ZNF133: variants seen among roughly 807,000 people sequenced by gnomAD.
ZNF133 encodes the protein zinc finger protein 133 (clone pHZ-13).
In ZNF133, 26 loss-of-function variants were observed where a neutral mutation model predicts 54.9. The ratio of observed to expected loss-of-function variants is 0.47; its 90% CI spans 0.35 to 0.66. ZNF133 has a LOEUF of 0.66. ZNF133 is among the 30% of genes least tolerant of loss of function. ZNF133 has a pLI of 0.01. For synonymous variants in ZNF133, 298 were observed against 320.3 expected, an observed-to-expected ratio of 0.93 and a Z score of 0.74; for missense variants, 653 against 820.8, an observed-to-expected ratio of 0.80 and a Z score of 2.50.
At chr20:18,300,708 G>A (rs1004394733) in intron 3 of ZNF133, among the ~76,000 whole-genome samples, 1 of 151,976 alleles carries the variant, frequency 6.6e-6, no homozygotes, top group Non-Finnish European at 1.5e-5. Context: ...AATTGAAAAA[G>A]GTTACAAGAG....
rs116052575 is a variant in ZNF133, at chr20:18,292,857, C to G, written c.-432+4253C>G. 6.4e-3 allele frequency among the ~76,000 whole-genome samples: 970 copies of G among 152,242 alleles called. 17 individuals are homozygous for G. Among genetic ancestry groups the G allele is most frequent in the African/African-American group, 0.022 (934 of 41,538 alleles). ...CCATAGGAGTAATGGATGAGGCAGA[C>G]TAGGATGTTGGGAAATGGTCTACAG... On this transcript the variant is annotated intron_variant, in intron 1 of 6. Coordinates refer to ENST00000425686, the MANE Select transcript of ZNF133 (RefSeq NM_001352452.2).
At chr20:18,304,900 C>G (rs1009815009) in intron 3 of ZNF133, 108 bp from the exon 4 acceptor site, 6 of 703,906 alleles carry the variant, frequency 8.5e-6, no homozygotes, top group Non-Finnish European at 8.7e-6. Context: ...TCCCCACATG[C>G]CTCATCTGTA....
At position 18,315,255 on chromosome 20, in the gene ZNF133, A is replaced by G; in HGVS notation, c.404A>G (p.Glu135Gly). ...CAGGAGAAGCAGCAACAAGCCTCTG[A>G]GGGGAGACCCTGGAGTGATCAAGCA... ...GDQEKQQQASEGRPWSDQAEG... is the reference protein window; with the variant it reads ...GDQEKQQQASGGRPWSDQAEG... The change falls in exon 7 of 7, where the codon GAG becomes GGG. Residue 135 changes from glutamate (E) to glycine (G), a missense_variant. Coordinates refer to ENST00000425686, the MANE Select transcript of ZNF133 (RefSeq NM_001352452.2). 2 of 1,614,000 alleles carry G rather than the reference A, an allele frequency of 1.2e-6. No individual in the cohort carries two copies. The highest frequency in any genetic ancestry group is 8.5e-7 in the Non-Finnish European group (1 of 1,179,982).
At chr20:18,304,014 A>C (rs1476450197) in intron 3 of ZNF133, among the ~76,000 whole-genome samples, 1 of 152,214 alleles carries the variant, frequency 6.6e-6, no homozygotes, top group African/African-American at 2.4e-5. Context: ...ATATCTGATA[A>C]GGGATTAATA....
chr20:18,306,833 T>C, intron 6 of ZNF133: 1 of 1,121,944 alleles, frequency 8.9e-7, no homozygotes, highest in South Asian at 1.8e-5. Context: ...TATTCAAGAA[T>C]GGCTTTTACA....
rs538616183 is a variant in ZNF133 at position 18,288,552 on chromosome 20, G to A, written c.-484G>A. The A allele has an allele frequency of 1.1e-4, 43 of 398,680 alleles. No individual in the cohort carries two copies. The highest frequency in any genetic ancestry group is 8.4e-4 in the African/African-American group (41 of 48,758). The allele number at this position is 398,680 out of a possible 1,614,324, so 24.7% of individuals were successfully genotyped here. On this transcript the variant is annotated 5_prime_UTR_variant, in exon 1 of 7. Coordinates refer to ENST00000425686, the MANE Select transcript of ZNF133 (RefSeq NM_001352452.2). ...GTAGTGTAGTCCTGGCGCCCCGCTG[G>A]AGGAGCTCCCCAGCTGGTGGCTGGA...
intron 3 of ZNF133, among the ~76,000 whole-genome samples, chr20:18,303,612 CAGAAT>C (rs2043907867): frequency 6.6e-6 from 1 of 152,066 alleles, no homozygotes; most frequent in Non-Finnish European, 1.5e-5. Context: ...ACTAATAGAA[CAGAAT>C]AGAGATCCCA....
At position 18,316,610 on chromosome 20, in the gene ZNF133, T is replaced by A; in HGVS notation, c.1759T>A (p.Phe587Ile). The A allele has an allele frequency of 6.2e-7, 1 of 1,614,054 alleles. No individual in the cohort carries two copies. The highest frequency in any genetic ancestry group is 8.5e-7 in the Non-Finnish European group (1 of 1,180,044). ...PCVCRECGQG[F>I]LQKSHLTLHQ... ...TGTGTGCAGAGAGTGTGGCCAAGGCTTTCTCCAAAAGTCACACCTCACCTT... is the reference window on the plus strand; with the variant it reads ...TGTGTGCAGAGAGTGTGGCCAAGGCATTCTCCAAAAGTCACACCTCACCTT... The change falls in exon 7 of 7, where the codon TTT becomes ATT. Residue 587 changes from phenylalanine to isoleucine, a missense_variant. By Grantham distance (21) the Phe-to-Ile change is conservative. Coordinates refer to ENST00000425686, the MANE Select transcript of ZNF133 (RefSeq NM_001352452.2).
At chr20:18,297,096 A>G (rs1031717051) in intron 1 of ZNF133, among the ~76,000 whole-genome samples, 7 of 152,160 alleles carry the variant, frequency 4.6e-5, no homozygotes, top group Non-Finnish European at 8.8e-5. Flanking sequence ...ATGTTTTCTT[A>G]CATTATACTT....
rs79500232 is a variant in ZNF133 at position 18,297,323 on chromosome 20, A to G, written c.-431-662A>G. 5.1e-4 allele frequency among the ~76,000 whole-genome samples: 77 copies of G among 151,726 alleles called. 1 individual carries two copies. The highest frequency in any genetic ancestry group is 1.8e-3 in the African/African-American group (74 of 41,330). On this transcript the variant is annotated intron_variant, in intron 1 of 6. Coordinates refer to ENST00000425686, the MANE Select transcript of ZNF133 (RefSeq NM_001352452.2). Reference sequence around the variant, plus strand: ...AGTTTGTCTTCATTTATCATATAATATTGTCTTTTTCTTTGATTTCTTTCA... The same window carrying G: ...AGTTTGTCTTCATTTATCATATAATGTTGTCTTTTTCTTTGATTTCTTTCA...
intron 6 of ZNF133, chr20:18,314,248 C>G (rs991546162): frequency 6.6e-6 from 1 of 152,176 alleles, no homozygotes; most frequent in Non-Finnish European, 1.5e-5. Context: ...CTCATATTGC[C>G]TGGTCATTGA....
In ZNF133 at chr20:18,315,752, A is replaced by G. The variant is rs1428408319; in HGVS notation, c.901A>G (p.Ser301Gly). Residue 301 changes from serine to glycine, a missense_variant, in exon 7 of 7, where the codon AGT becomes GGT. By Grantham distance (56) the Ser-to-Gly change is moderately conservative. Around this residue, in one of 4 missense-constraint regions of ZNF133, gnomAD observed 292 missense variants for 431.6 expected, o/e 0.68. Transcript: ENST00000425686. ...THSGEKPYMCSECGRGFSQKS... is the reference protein window; with the variant it reads ...THSGEKPYMCGECGRGFSQKS... ...CTCCGGTGAGAAACCTTACATGTGCAGTGAGTGTGGGCGAGGCTTCAGCCA... is the reference window on the plus strand; with the variant it reads ...CTCCGGTGAGAAACCTTACATGTGCGGTGAGTGTGGGCGAGGCTTCAGCCA... 5 of 1,614,094 alleles carry G rather than the reference A, an allele frequency of 3.1e-6. No homozygotes were observed. Among genetic ancestry groups the G allele is most frequent in the East Asian group, 4.5e-5 (2 of 44,868 alleles).
chr20:18,292,872 A>G (rs1336604335), intron 1 of ZNF133, among the ~76,000 whole-genome samples: 1 of 152,246 alleles, frequency 6.6e-6, no homozygotes, highest in East Asian at 1.9e-4. Context: ...ATGTTGGGAA[A>G]TGGTCTACAG....
chr20:18,316,632 C>T lies in ZNF133; in HGVS notation c.1781C>T (p.Thr594Ile), dbSNP rs762775745. Residue 594 changes from threonine to isoleucine, a missense_variant, in exon 7 of 7, where the codon ACC becomes ATC. Transcript: ENST00000425686. ...GGCTTTCTCCAAAAGTCACACCTCACCTTACATCAAATGACACATACGGGG... is the reference window on the plus strand; with the variant it reads ...GGCTTTCTCCAAAAGTCACACCTCATCTTACATCAAATGACACATACGGGG... ...GQGFLQKSHL[T>I]LHQMTHTGEK... 2.5e-6 allele frequency: 4 copies of T among 1,613,466 alleles called. No homozygotes were observed. In the Admixed American group the frequency reaches 5.0e-5, roughly 20 times the overall value.
At chr20:18,294,126 C>T (rs981705812) in intron 1 of ZNF133, among the ~76,000 whole-genome samples, 3 of 152,072 alleles carry the variant, frequency 2.0e-5, no homozygotes, top group Non-Finnish European at 4.4e-5. Flanking sequence ...AGAAGACACC[C>T]CCTTAACCAA....
At position 18,316,017 on chromosome 20, in the gene ZNF133, G is replaced by C. The variant is rs1369582710; in HGVS notation, c.1166G>C (p.Arg389Pro). The C allele has an allele frequency of 6.2e-7, 1 of 1,613,650 alleles. No individual in the cohort carries two copies. The highest frequency in any genetic ancestry group is 8.5e-7 in the Non-Finnish European group (1 of 1,179,950). ...CCCTACGCCTGCAAGGAGTGTGGGC[G>C]ATGCTTCAGGCAGAGGACCACCCTT... ...EKPYACKECG[R>P]CFRQRTTLVN... is the part of the protein sequence containing the mutation. The change falls in exon 7 of 7, where the codon CGA (arginine) becomes CCA (proline). Residue 389 changes from arginine (R) to proline (P), a missense_variant. Physicochemically the swap from Arg to Pro is moderately radical, Grantham distance 103 (BLOSUM62 -2). Around this residue, in one of 4 missense-constraint regions of ZNF133, gnomAD observed 292 missense variants for 431.6 expected, o/e 0.68. Transcript: ENST00000425686.
chr20:18,305,711 G>T lies in ZNF133; in HGVS notation c.25G>T (p.Asp9Tyr). 6.2e-7 allele frequency: 1 copy of T among 1,614,176 alleles called. No individual in the cohort carries two copies. The highest frequency in any genetic ancestry group is 1.1e-5 in the South Asian group (1 of 91,084). ...CATGGCATTCAGGGATGTGGCTGTG[G>T]ATTTCACCCAGGATGAGTGGAGGCT... is the stretch of plus-strand genomic sequence containing the variant. Reference protein sequence around the residue: MAFRDVAVDFTQDEWRLLS... With the variant: MAFRDVAVYFTQDEWRLLS... Residue 9 changes from aspartate (D) to tyrosine (Y), a missense_variant, in exon 5 of 7, where the codon GAT becomes TAT. Physicochemically the swap from Asp to Tyr is radical, Grantham distance 160. Around this residue, in one of 4 missense-constraint regions of ZNF133, gnomAD observed 227 missense variants for 233.9 expected, o/e 0.97. Transcript: ENST00000425686. This position sits in a 1 kb window ranked among gnomAD's most constrained non-coding sequence, Gnocchi z 4.7.
chr20:18,298,395 G>A lies in ZNF133; in HGVS notation c.-247G>A. ...CGATTATACTGGCAGGATCTATCAG[G>A]TGTACCTATTTTGGAACTCTGGAGT... On this transcript the variant is annotated 5_prime_UTR_variant, in exon 3 of 7. The change creates a new upstream start codon in the 5' untranslated region. Coordinates refer to ENST00000425686, the MANE Select transcript of ZNF133 (RefSeq NM_001352452.2). 1.8e-6 allele frequency: 2 copies of A among 1,102,778 alleles called. No individual in the cohort carries two copies. The highest frequency in any genetic ancestry group is 4.6e-5 in the Admixed American group (1 of 21,666). 68.3% of individuals were successfully genotyped at this position (1,102,778 alleles called of 1,614,324 possible).
chr20:18,306,458 A>G, intron 6 of ZNF133, 65 bp downstream of exon 6: 1 of 1,519,556 alleles, frequency 6.6e-7, no homozygotes. Context: ...GGGGGAGAGG[A>G]GGCGTTGCTC....
Sources: allele counts gnomAD v4.1 joint callset (sites outside exome capture counted in the v4.1 genomes callset), GRCh38; gene constraint gnomAD v4.1.1; regional missense constraint gnomAD v4.1.1; non-coding constraint Gnocchi (gnomAD v3.1); transcripts MANE v1.5; gene names NCBI Gene and HGNC (gene_info 2026-07-23, HGNC 2026-07-21).